The following RAB38 variants were observed in gnomAD, a reference collection of about 807,000 sequenced individuals.
RAB38 encodes the protein RAB38, member RAS oncogene family, also known as ras-related protein Rab-38.
Under a neutral mutation model 18.4 loss-of-function variants are expected in RAB38, and 15 were observed. That is an observed-to-expected ratio of 0.82 (90% CI 0.55 to 1.26). The LOEUF (loss-of-function observed/expected upper bound fraction) is 1.26, where lower values mean the gene tolerates loss of function less well. RAB38 is among the 50% of genes most tolerant of loss of function. The probability of loss-of-function intolerance (pLI) is 0.00; values close to 1 mark genes in which losing one functional copy is unlikely to be tolerated. For synonymous variants in RAB38, 101 were observed against 104.4 expected (o/e 0.97, Z 0.20); for missense variants, 294 against 267.4 (o/e 1.10, Z -0.69).
the RAB38 span, among the ~76,000 whole-genome samples, chr11:87,902,415 T>TG: frequency 2.0e-5 from 3 of 151,558 alleles, no homozygotes; most frequent in African/African-American, 7.3e-5. Flanking sequence ...CAACTGTATG[T>TG]GGGGGGTCTA....
chr11:88,124,533 T>C (rs1942669117), intron 2 of RAB38, among the ~76,000 whole-genome samples: 1 of 152,162 alleles, frequency 6.6e-6, no homozygotes. Flanking sequence ...ATGCTCATCA[T>C]CACTGGACAT....
the RAB38 span, among the ~76,000 whole-genome samples, chr11:88,005,110 T>C: frequency 6.6e-6 from 1 of 151,508 alleles, no homozygotes; most frequent in African/African-American, 2.4e-5. Flanking sequence ...AGCTTCTTTT[T>C]GGTAGAAATC....
the RAB38 span, chr11:87,879,759 C>A: frequency 6.6e-6 from 1 of 151,710 alleles, no homozygotes; most frequent in Non-Finnish European, 1.5e-5. Flanking sequence ...ACTTAAAGTG[C>A]ATTAATTATT....
chr11:87,805,102 G>A, the RAB38 span, among the ~76,000 whole-genome samples: 6 of 152,176 alleles, frequency 3.9e-5, no homozygotes, highest in African/African-American at 1.4e-4. Context: ...AGAGGGCACT[G>A]AAAAGCTACT....
At chr11:88,123,221 CTTTG>C (rs1214359121) in intron 2 of RAB38, among the ~76,000 whole-genome samples, 1 of 152,144 alleles carries the variant, frequency 6.6e-6, no homozygotes, top group African/African-American at 2.4e-5. Context: ...GTATGTAATG[CTTTG>C]TTTGTGTATC....
At chr11:87,927,899 C>T in the RAB38 span, among the ~76,000 whole-genome samples, 9 of 151,782 alleles carry the variant, frequency 5.9e-5, no homozygotes, top group African/African-American at 1.9e-4. Flanking sequence ...AGACCTGTCT[C>T]TACACAACAT....
chr11:88,147,113 C>G (rs1262848559), intron 2 of RAB38, among the ~76,000 whole-genome samples: 1 of 152,158 alleles, frequency 6.6e-6, no homozygotes, highest in Non-Finnish European at 1.5e-5. Flanking sequence ...GATTCATAGG[C>G]CTCTTCCTTT....
At chr11:88,092,380 GAGAGAGAGA>G in the RAB38 span, among the ~76,000 whole-genome samples, 1 of 30,790 alleles carries the variant, frequency 3.2e-5, no homozygotes, top group African/African-American at 1.1e-4. Flanking sequence ...GAGAGAGAGA[GAGAGAGAGA>G]GAGAGAGAGA....
At chr11:88,071,272 G>A in the RAB38 span, among the ~76,000 whole-genome samples, 28 of 122,052 alleles carry the variant, frequency 2.3e-4, no homozygotes, top group African/African-American at 5.7e-4. Flanking sequence ...ACACACACAC[G>A]TGTGCAAGCA....
At chr11:88,169,387 C>A (rs1199480090) in intron 1 of RAB38, among the ~76,000 whole-genome samples, 1 of 152,098 alleles carries the variant, frequency 6.6e-6, no homozygotes, top group East Asian at 1.9e-4. Flanking sequence ...CTACACTGAG[C>A]ACATATTACT....
the RAB38 span, among the ~76,000 whole-genome samples, chr11:88,017,933 G>C: frequency 6.6e-6 from 1 of 151,762 alleles, no homozygotes; most frequent in Non-Finnish European, 1.5e-5. Context: ...TCTTGTCACA[G>C]TGAATAAGTC....
At chr11:87,911,406 T>A in the RAB38 span, among the ~76,000 whole-genome samples, 1 of 152,102 alleles carries the variant, frequency 6.6e-6, no homozygotes, top group African/African-American at 2.4e-5. Context: ...TCCTTGATCA[T>A]GATACATAGC....
intron 2 of RAB38, among the ~76,000 whole-genome samples, chr11:88,140,112 C>T (rs1942889021): frequency 6.6e-6 from 1 of 152,172 alleles, no homozygotes; most frequent in Admixed American, 6.5e-5. Flanking sequence ...TGTGGCATTG[C>T]CAAGCAAAGA....
At chr11:87,930,022 C>T in the RAB38 span, among the ~76,000 whole-genome samples, 2 of 152,150 alleles carry the variant, frequency 1.3e-5, no homozygotes, top group Non-Finnish European at 2.9e-5. Context: ...CCGCAATAAA[C>T]ATACGTGTGC....
At chr11:88,062,972 T>A in the RAB38 span, among the ~76,000 whole-genome samples, 1 of 152,338 alleles carries the variant, frequency 6.6e-6, no homozygotes, top group South Asian at 2.1e-4. Flanking sequence ...GCGCTCTACC[T>A]TTTTATATGT....
At chr11:88,171,633 G>C (rs1206427865) in intron 1 of RAB38, among the ~76,000 whole-genome samples, 2 of 152,184 alleles carry the variant, frequency 1.3e-5, no homozygotes, top group African/African-American at 4.8e-5. Flanking sequence ...GGAAATTATA[G>C]ATTAAATATG....
At chr11:87,829,915 A>G in the RAB38 span, among the ~76,000 whole-genome samples, 4 of 152,082 alleles carry the variant, frequency 2.6e-5, no homozygotes, top group Admixed American at 6.6e-5. Context: ...ATGATTGCGA[A>G]TTTCTTGTTT....
At chr11:87,957,717 G>A in the RAB38 span, among the ~76,000 whole-genome samples, 1 of 152,060 alleles carries the variant, frequency 6.6e-6, no homozygotes, top group African/African-American at 2.4e-5. Context: ...GGTTCACTTT[G>A]AGGGAGAGGA....
chr11:88,023,659 C>T, the RAB38 span, among the ~76,000 whole-genome samples: 1 of 151,950 alleles, frequency 6.6e-6, no homozygotes, highest in African/African-American at 2.4e-5. Context: ...TGCTACAGAG[C>T]TATACCAAAA....
Sources: allele counts gnomAD v4.1 joint callset (sites outside exome capture counted in the v4.1 genomes callset), GRCh38; gene constraint gnomAD v4.1.1; transcripts MANE v1.5; gene names NCBI Gene and HGNC (gene_info 2026-07-23, HGNC 2026-07-21).